The following OR1B1 variants were observed in gnomAD, a reference collection of about 807,000 sequenced individuals.
The protein encoded by OR1B1 is olfactory receptor family 1 subfamily B member 1.
For synonymous variants in OR1B1, 168 were observed against 156.2 expected (o/e 1.08, Z -0.57); for missense variants, 414 against 402.1 (o/e 1.03, Z -0.25).
At chr9:122,637,880 T>C in the OR1B1 span, among the ~76,000 whole-genome samples, 3 of 152,128 alleles carry the variant, frequency 2.0e-5, no homozygotes, top group Non-Finnish European at 4.4e-5. Context: ...TTTGTAGAAA[T>C]TGTGGTATAT....
At chr9:122,643,067 A>G in the OR1B1 span, among the ~76,000 whole-genome samples, 2 of 152,084 alleles carry the variant, frequency 1.3e-5, no homozygotes, top group African/African-American at 4.8e-5. Context: ...AGAAGCCTAT[A>G]CCATTTGTTC....
chr9:122,629,877 A>T (rs1239013412), upstream of OR1B1, among the ~76,000 whole-genome samples: 2 of 152,158 alleles, frequency 1.3e-5, no homozygotes, highest in East Asian at 3.9e-4. Flanking sequence ...GGCCGACTTC[A>T]TGAAAGAATT....
exon 1 of OR1B1, chr9:122,629,373 A>T (rs1328402754): frequency 6.2e-7 from 1 of 1,613,928 alleles, no homozygotes; most frequent in Non-Finnish European, 8.5e-7. Context: ...TGCAGTCTGG[A>T]GTCCCAGGAG....
chr9:122,635,278 C>T, the OR1B1 span, among the ~76,000 whole-genome samples: 1 of 152,086 alleles, frequency 6.6e-6, no homozygotes, highest in Non-Finnish European at 1.5e-5. Flanking sequence ...GAAAAAAATA[C>T]TGCATAATTT....
At chr9:122,629,485 A>C (rs1418614482) in exon 1 of OR1B1, 1 of 1,578,712 alleles carries the variant, frequency 6.3e-7, no homozygotes, top group Admixed American at 1.7e-5. Flanking sequence ...TCGAGAACCC[A>C]AGGAGCAAAA....
the OR1B1 span, among the ~76,000 whole-genome samples, chr9:122,645,773 T>C: frequency 1.3e-5 from 2 of 152,158 alleles, no homozygotes; most frequent in African/African-American, 4.8e-5. Context: ...ACACTAGACC[T>C]GTCCTACAAG....
chr9:122,641,757 C>T, the OR1B1 span, among the ~76,000 whole-genome samples: 1 of 152,080 alleles, frequency 6.6e-6, no homozygotes, highest in Non-Finnish European at 1.5e-5. Flanking sequence ...AGTCTCACCA[C>T]AAAAATATAA....
At chr9:122,640,496 A>G in the OR1B1 span, among the ~76,000 whole-genome samples, 1 of 152,204 alleles carries the variant, frequency 6.6e-6, no homozygotes, top group African/African-American at 2.4e-5. Flanking sequence ...GGACTGGAAA[A>G]TAAAAGGAGA....
At chr9:122,641,753 A>C in the OR1B1 span, among the ~76,000 whole-genome samples, 1 of 152,208 alleles carries the variant, frequency 6.6e-6, no homozygotes, top group African/African-American at 2.4e-5. Context: ...TTGTAGTCTC[A>C]CCACAAAAAT....
At chr9:122,643,087 C>T in the OR1B1 span, among the ~76,000 whole-genome samples, 1 of 149,220 alleles carries the variant, frequency 6.7e-6, no homozygotes, top group Admixed American at 6.7e-5. Context: ...CCTCCCCCAC[C>T]ACTCTCACTG....
At chr9:122,629,645 G>T, upstream of OR1B1, 1 of 690,136 alleles carries the variant, frequency 1.4e-6, no homozygotes, top group Admixed American at 2.7e-5. Context: ...ACTAAAGATC[G>T]TTAAAGACCT....
the OR1B1 span, among the ~76,000 whole-genome samples, chr9:122,652,403 G>T: frequency 1.3e-5 from 2 of 152,008 alleles, no homozygotes; most frequent in African/African-American, 4.8e-5. Flanking sequence ...TTATAGTATC[G>T]GCAAAGTCAA....
At chr9:122,629,302 A>G in exon 1 of OR1B1, 10 of 1,614,164 alleles carry the variant, frequency 6.2e-6, no homozygotes, top group Non-Finnish European at 8.5e-6. Flanking sequence ...GGGGCAGTGT[A>G]ACTGTGGATA....
the OR1B1 span, among the ~76,000 whole-genome samples, chr9:122,656,112 T>G: frequency 6.6e-6 from 1 of 152,204 alleles, no homozygotes; most frequent in Non-Finnish European, 1.5e-5. Flanking sequence ...TGAAATGTAC[T>G]CTGTGTTCAA....
chr9:122,649,943 C>T, the OR1B1 span, among the ~76,000 whole-genome samples: 1 of 152,144 alleles, frequency 6.6e-6, no homozygotes, highest in Non-Finnish European at 1.5e-5. Flanking sequence ...AAGACACATG[C>T]ACATGTATGT....
chr9:122,635,534 C>A, the OR1B1 span, among the ~76,000 whole-genome samples: 1 of 151,810 alleles, frequency 6.6e-6, no homozygotes, highest in Non-Finnish European at 1.5e-5. Context: ...GTTCTTACCA[C>A]AAAAAAATAG....
chr9:122,656,883 G>A, the OR1B1 span, among the ~76,000 whole-genome samples: 1 of 152,026 alleles, frequency 6.6e-6, no homozygotes, highest in African/African-American at 2.4e-5. Context: ...TTATATAAAA[G>A]CTATAAGCAT....
chr9:122,640,316 T>C, the OR1B1 span, among the ~76,000 whole-genome samples: 1 of 152,106 alleles, frequency 6.6e-6, no homozygotes, highest in Non-Finnish European at 1.5e-5. Flanking sequence ...CCCCTCACCA[T>C]GAAGCCTCCC....
chr9:122,650,784 G>A, the OR1B1 span, among the ~76,000 whole-genome samples: 1 of 152,116 alleles, frequency 6.6e-6, no homozygotes, highest in Non-Finnish European at 1.5e-5. Flanking sequence ...AGCACTTTGG[G>A]AAGCTGAGGT....
Sources: gnomAD v4.1 joint callset for allele counts (sites outside exome capture counted in the v4.1 genomes callset) on GRCh38, gnomAD v4.1.1 for gene constraint, MANE v1.5 for transcripts, NCBI Gene and HGNC (gene_info 2026-07-23, HGNC 2026-07-21) for gene names.